The following ELAVL2 variants were observed in gnomAD, a reference collection of about 807,000 sequenced individuals.
ELAVL2 encodes the protein ELAV like RNA binding protein 2, also known as ELAV-like protein 2.
Under a neutral mutation model 34.6 loss-of-function variants are expected in ELAVL2, and 4 were observed. The ratio of observed to expected loss-of-function variants is 0.12; its 90% CI spans 0.06 to 0.26. The LOEUF (loss-of-function observed/expected upper bound fraction) is 0.26, where lower values mean the gene tolerates loss of function less well. Ranked by LOEUF, ELAVL2 falls within the 10% of genes least tolerant of loss-of-function variation. The pLI is 1.00. For synonymous variants in ELAVL2, 193 were observed against 154.8 expected, an observed-to-expected ratio of 1.25 and a Z score of -1.83; for missense variants, 432 against 442.8, an observed-to-expected ratio of 0.98 and a Z score of 0.22.
chr9:23,782,789 T>G (rs976212003), intron 1 of ELAVL2, among the ~76,000 whole-genome samples: 3 of 152,186 alleles, frequency 2.0e-5, no homozygotes, highest in Non-Finnish European at 4.4e-5. Context: ...AATAAACTAT[T>G]TACCAGCCTG....
intron 1 of ELAVL2, among the ~76,000 whole-genome samples, chr9:23,806,059 T>C (rs542646664): frequency 5.9e-5 from 9 of 151,876 alleles, no homozygotes; most frequent in Admixed American, 4.6e-4. Context: ...TGAAAAGAAA[T>C]AGCACTTTAA....
chr9:23,808,708 G>C (rs2062574215), intron 1 of ELAVL2, among the ~76,000 whole-genome samples: 1 of 152,280 alleles, frequency 6.6e-6, no homozygotes, highest in Non-Finnish European at 1.5e-5. Flanking sequence ...TTAATAAACT[G>C]TCATCAAATT....
chr9:23,753,839 G>C (rs1023306795), intron 2 of ELAVL2, among the ~76,000 whole-genome samples: 1 of 152,058 alleles, frequency 6.6e-6, no homozygotes, highest in Non-Finnish European at 1.5e-5. Flanking sequence ...TTATAAAGGG[G>C]CAAATGTTAC....
At chr9:23,785,737 T>C (rs541358929) in intron 1 of ELAVL2, among the ~76,000 whole-genome samples, 20 of 152,290 alleles carry the variant, frequency 1.3e-4, no homozygotes, top group African/African-American at 3.8e-4. Context: ...AAACAGGTAT[T>C]TCCAAAGCAT....
At chr9:23,753,770 G>T (rs1326008984) in intron 2 of ELAVL2, among the ~76,000 whole-genome samples, 1 of 152,048 alleles carries the variant, frequency 6.6e-6, no homozygotes, top group Non-Finnish European at 1.5e-5. Context: ...AGTAAACAAA[G>T]ACTACCCCCC....
At chr9:23,779,891 T>C (rs2136722715) in intron 1 of ELAVL2, among the ~76,000 whole-genome samples, 1 of 150,504 alleles carries the variant, frequency 6.6e-6, no homozygotes, top group South Asian at 2.1e-4. Flanking sequence ...TTATTCCTTA[T>C]CAACTGCAAA....
chr9:23,760,279 A>T (rs2054659672), intron 2 of ELAVL2, among the ~76,000 whole-genome samples: 1 of 152,000 alleles, frequency 6.6e-6, no homozygotes, highest in Non-Finnish European at 1.5e-5. Context: ...AAAATGATAA[A>T]ATGTATCATT....
intron 1 of ELAVL2, among the ~76,000 whole-genome samples, chr9:23,769,915 A>G (rs1038013263): frequency 1.3e-5 from 2 of 152,326 alleles, no homozygotes; most frequent in Admixed American, 1.3e-4. Flanking sequence ...TTAGAGAGGT[A>G]AGATAATGAG....
intron 3 of ELAVL2, among the ~76,000 whole-genome samples, chr9:23,712,650 C>G (rs1587540347): frequency 6.6e-6 from 1 of 152,200 alleles, no homozygotes; most frequent in East Asian, 1.9e-4. Flanking sequence ...TAGTGTCTCT[C>G]CCTTTTATAA....
chr9:23,748,934 C>G lies in ELAVL2; in HGVS notation c.229+13072G>C, dbSNP rs190468822. 1.6e-3 allele frequency among the ~76,000 whole-genome samples: 250 copies of G among 152,046 alleles called. 1 individual carries two copies. The highest frequency in any genetic ancestry group is 3.4e-3 in the Middle Eastern group (1 of 294). The stretch of plus-strand genomic sequence containing the variant: ...ATGGGGTACCGAGAATAGGCAAATT[C>G]ATAGAGACACAGAAAATATAATGGT... On this transcript the variant is annotated intron_variant, in intron 2 of 6. Coordinates refer to ENST00000397312, the MANE Select transcript of ELAVL2 (RefSeq NM_004432.5).
At chr9:23,708,033 G>C (rs553867679) in intron 3 of ELAVL2, among the ~76,000 whole-genome samples, 1 of 148,518 alleles carries the variant, frequency 6.7e-6, no homozygotes, top group South Asian at 2.3e-4. Context: ...AACATACCTA[G>C]GTCAGTTATG....
chr9:23,713,280 T>C (rs536958083), intron 3 of ELAVL2, among the ~76,000 whole-genome samples: 2 of 152,290 alleles, frequency 1.3e-5, no homozygotes, highest in East Asian at 3.9e-4. Flanking sequence ...ATTTCTTAAA[T>C]TTTTTACCTG....
At chr9:23,805,224 T>G (rs2062057879) in intron 1 of ELAVL2, among the ~76,000 whole-genome samples, 1 of 152,006 alleles carries the variant, frequency 6.6e-6, no homozygotes, top group African/African-American at 2.4e-5. Context: ...AAACCACATC[T>G]CCGTAAAAGA....
At chr9:23,733,996 G>C (rs776090973) in intron 2 of ELAVL2, among the ~76,000 whole-genome samples, 6 of 151,992 alleles carry the variant, frequency 3.9e-5, no homozygotes, top group Non-Finnish European at 8.8e-5. Flanking sequence ...CTTATAAAAA[G>C]TTTCTTATTT....
intron 1 of ELAVL2, among the ~76,000 whole-genome samples, chr9:23,804,641 T>C (rs918423777): frequency 2.4e-4 from 36 of 152,208 alleles, no homozygotes; most frequent in African/African-American, 8.4e-4. Context: ...TTGTAGTCTA[T>C]TTGCATTTTT....
chr9:23,849,598 G>C, the ELAVL2 span: 131 of 152,326 alleles, frequency 8.6e-4, no homozygotes, highest in Middle Eastern at 0.01. Flanking sequence ...AGACAATAAC[G>C]TAGTTCCCTT....
At chr9:23,724,529 A>T (rs1483814122) in intron 3 of ELAVL2, among the ~76,000 whole-genome samples, 1 of 152,172 alleles carries the variant, frequency 6.6e-6, no homozygotes, top group East Asian at 1.9e-4. Flanking sequence ...GGCTTTTTGT[A>T]TGAAAAAAAT....
rs774818542 is a variant in ELAVL2, at chr9:23,762,192, C to A, written c.43G>T (p.Ala15Ser). The A allele has an allele frequency of 8.7e-6, 14 of 1,613,548 alleles. 1 individual carries two copies. In the South Asian group the frequency reaches 1.4e-4, roughly 16 times the overall value. Residue 15 changes from alanine to serine, a missense_variant, in exon 2 of 7, where the codon GCC becomes TCC. By Grantham distance (99) the Ala-to-Ser change is moderately conservative (BLOSUM62 1). Coordinates refer to ENST00000397312, the MANE Select transcript of ELAVL2 (RefSeq NM_004432.5). Reference sequence around the variant, plus strand: ...TTGTTTATGGTGGTTGGACCATTGGCTGTGTTATTGCAAGTTGGCCCATTA... The same window carrying A: ...TTGTTTATGGTGGTTGGACCATTGGATGTGTTATTGCAAGTTGGCCCATTA... ...LSNGPTCNNT[A>S]NGPTTINNNC...
chr9:23,773,218 T>C (rs1314073583), intron 1 of ELAVL2, among the ~76,000 whole-genome samples: 3 of 152,214 alleles, frequency 2.0e-5, no homozygotes, highest in Admixed American at 6.5e-5. Context: ...GAGTTAATAA[T>C]GTTTTTCAAA....
Sources: allele counts gnomAD v4.1 joint callset (sites outside exome capture counted in the v4.1 genomes callset), GRCh38; gene constraint gnomAD v4.1.1; transcripts MANE v1.5; gene names NCBI Gene and HGNC (gene_info 2026-07-23, HGNC 2026-07-21).